THRA: variants seen among roughly 807,000 people sequenced by gnomAD.
The protein encoded by THRA is thyroid hormone receptor alpha.
A neutral mutation model predicts 45.0 loss-of-function variants in THRA; 13 were observed. The ratio of observed to expected loss-of-function variants is 0.29; its 90% CI spans 0.19 to 0.46. The LOEUF (loss-of-function observed/expected upper bound fraction) is 0.46. Ranked by LOEUF, THRA falls within the 20% of genes least tolerant of loss-of-function variation. The pLI is 1.00. For missense variants in THRA, 278 were observed against 556.1 expected (o/e 0.50, Z 5.03); for synonymous variants, 195 against 214.0 (o/e 0.91, Z 0.78).
intron 4 of THRA, among the ~76,000 whole-genome samples, chr17:40,083,478 G>A (rs1048794600): frequency 6.6e-6 from 1 of 152,198 alleles, no homozygotes; most frequent in Non-Finnish European, 1.5e-5. Flanking sequence ...CTCCCAAAGT[G>A]TTGGGATTAC....
At chr17:40,087,068 C>T (rs375209270) in intron 7 of THRA, 1 of 591,550 alleles carries the variant, frequency 1.7e-6, no homozygotes, top group African/African-American at 1.9e-5. Flanking sequence ...GACACACACA[C>T]ACACCTAGCA....
chr17:40,063,956 G>C (rs1228864118), intron 1 of THRA, among the ~76,000 whole-genome samples: 2 of 151,010 alleles, frequency 1.3e-5, no homozygotes, highest in African/African-American at 4.9e-5. Flanking sequence ...TGAGGTGGGA[G>C]CCTGCCCCTC....
chr17:40,064,966 G>C (rs1986501017), intron 1 of THRA, among the ~76,000 whole-genome samples: 1 of 152,082 alleles, frequency 6.6e-6, no homozygotes, highest in South Asian at 2.1e-4. Context: ...ACACTTAGAT[G>C]CACACAATCA....
intron 1 of THRA, among the ~76,000 whole-genome samples, chr17:40,071,460 A>G (rs1242001653): frequency 6.6e-6 from 1 of 152,008 alleles, no homozygotes; most frequent in African/African-American, 2.4e-5. Context: ...GCTTAATGAA[A>G]TGCTTCCCCC....
chr17:40,084,508 C>G, intron 5 of THRA, 102 bp from the exon 6 acceptor site: 1 of 1,348,554 alleles, frequency 7.4e-7, no homozygotes. Flanking sequence ...CCATGGCCCT[C>G]GGTTTCTCCA....
chr17:40,083,781 C>A, intron 4 of THRA, 54 bp from the exon 5 acceptor site: 1 of 1,539,646 alleles, frequency 6.5e-7, no homozygotes, highest in South Asian at 1.3e-5. Context: ...ATGGTTGGTT[C>A]AGGAAGGGGA....
chr17:40,092,806 A>C lies in THRA; in HGVS notation c.*3350A>C. On this transcript the variant is annotated 3_prime_UTR_variant, in exon 9 of 9. Transcript: ENST00000450525. The stretch of plus-strand genomic sequence containing the variant: ...ACAGAAGCCAGCTCAGCTGTGAACT[A>C]TTGGATTTGAGACAGGAACAGAACA... 1.5e-6 allele frequency: 1 copy of C among 662,162 alleles called. No individual in the cohort carries two copies. 41.0% of individuals were successfully genotyped at this position (662,162 alleles called of 1,614,324 possible).
Position 40,084,632 on chromosome 17 carries a change from G to T in THRA, c.393G>T (p.Arg131=), listed in dbSNP as rs753226227. Reference sequence around the variant, plus strand: ...CAGTGGTTCTAGATGACTCGAAGCGGGTGGCCAAGCGTAAGCTGATTGAGC... The same window carrying T: ...CAGTGGTTCTAGATGACTCGAAGCGTGTGGCCAAGCGTAAGCTGATTGAGC... ...AMDLVLDDSK[R]VAKRKLIEQN... Residue 131 remains arginine (R), a synonymous_variant, in exon 6 of 9, where the codon CGG becomes CGT. Coordinates refer to ENST00000450525, the MANE Select transcript of THRA (RefSeq NM_199334.5). 1 of 1,614,012 alleles carries T rather than the reference G, an allele frequency of 6.2e-7. No homozygotes were observed. The highest frequency in any genetic ancestry group is 1.7e-5 in the Admixed American group (1 of 60,006).
intron 1 of THRA, among the ~76,000 whole-genome samples, chr17:40,071,713 C>A (rs567380762): frequency 3.2e-4 from 48 of 152,178 alleles, no homozygotes; most frequent in Non-Finnish European, 5.4e-4. Context: ...GGCTGCCCTT[C>A]AGGGTGGGTA....
intron 7 of THRA, chr17:40,087,088 G>A (rs1392680914): frequency 2.3e-5 from 11 of 488,018 alleles, no homozygotes; most frequent in South Asian, 8.9e-5. Flanking sequence ...ATACAGATAC[G>A]TACACAGACA....
intron 1 of THRA, 46 bp from the exon 2 acceptor site, chr17:40,074,146 C>T: frequency 3.3e-6 from 1 of 299,340 alleles, no homozygotes; most frequent in Non-Finnish European, 6.5e-6. Context: ...TACCCACCTT[C>T]CTACCGTGAC....
chr17:40,065,784 T>C (rs1434444612), intron 1 of THRA, among the ~76,000 whole-genome samples: 3 of 119,098 alleles, frequency 2.5e-5, no homozygotes, highest in Admixed American at 8.6e-5. Context: ...GGGGGGGGGG[T>C]CAGCCACTGC....
At chr17:40,083,773 G>A in intron 4 of THRA, 62 bp from the exon 5 acceptor site, 1 of 1,526,794 alleles carries the variant, frequency 6.5e-7, no homozygotes, top group Middle Eastern at 1.8e-4. Flanking sequence ...TAAACTGCAT[G>A]GTTGGTTCAG....
At chr17:40,087,598 C>T (rs2073593297) in intron 7 of THRA, among the ~76,000 whole-genome samples, 2 of 152,206 alleles carry the variant, frequency 1.3e-5, no homozygotes, top group African/African-American at 2.4e-5. Flanking sequence ...GGCCACCCAA[C>T]TCCAGGCAGC....
chr17:40,069,841 C>T (rs1390626794), intron 1 of THRA, among the ~76,000 whole-genome samples: 1 of 152,000 alleles, frequency 6.6e-6, no homozygotes, highest in East Asian at 1.9e-4. Context: ...ACCTTGATGC[C>T]TGGCTGGAGC....
intron 1 of THRA, among the ~76,000 whole-genome samples, chr17:40,064,986 C>T (rs1986501599): frequency 2.6e-5 from 4 of 152,174 alleles, no homozygotes; most frequent in Admixed American, 2.6e-4. Context: ...ACAAATTTTT[C>T]CCCTTCAGCT....
rs1367929531 is a variant in THRA, at chr17:40,092,238, G to A, written c.*2782G>A. On this transcript the variant is annotated 3_prime_UTR_variant, in exon 9 of 9. Coordinates refer to ENST00000450525, the MANE Select transcript of THRA (RefSeq NM_199334.5). ...CCCTTCTCCTGGTGGCGGGTCTGCA[G>A]GGCTGGGAGAGGGCAGGGCGTTGTG... 6.6e-6 allele frequency: 1 copy of A among 152,300 alleles called. No individual in the cohort carries two copies. Among genetic ancestry groups the A allele is most frequent in the African/African-American group, 2.4e-5 (1 of 41,382 alleles). 9.4% of individuals were successfully genotyped at this position (152,300 alleles called of 1,614,324 possible).
At chr17:40,080,483 C>T (rs1400086337) in intron 4 of THRA, among the ~76,000 whole-genome samples, 1 of 151,712 alleles carries the variant, frequency 6.6e-6, no homozygotes, top group East Asian at 1.9e-4. Context: ...TTGATGTCAA[C>T]CAAACCAAGA....
chr17:40,067,443 C>A (rs190771779), intron 1 of THRA, among the ~76,000 whole-genome samples: 115 of 152,350 alleles, frequency 7.5e-4, no homozygotes, highest in Non-Finnish European at 1.5e-3. Flanking sequence ...CCAGCTCTGG[C>A]TGATAGGCAC....
Sources: allele counts gnomAD v4.1 joint callset (sites outside exome capture counted in the v4.1 genomes callset), GRCh38; gene constraint gnomAD v4.1.1; transcripts MANE v1.5; gene names NCBI Gene and HGNC (gene_info 2026-07-23, HGNC 2026-07-21).